Variants in MICAL1 observed in about 807,000 individuals in gnomAD.
MICAL1 encodes microtubule associated monooxygenase, calponin and LIM domain containing 1, also known as [F-actin]-monooxygenase MICAL1.
Under a neutral mutation model 131.8 loss-of-function variants are expected in MICAL1, and 95 were observed. The ratio of observed to expected loss-of-function variants is 0.72; its 90% CI spans 0.61 to 0.86. MICAL1 has a LOEUF of 0.86. MICAL1 is among the 40% of genes least tolerant of loss of function. The probability of loss-of-function intolerance (pLI) is 0.00; values close to 1 mark genes in which losing one functional copy is unlikely to be tolerated. For missense variants in MICAL1, 1,292 were observed against 1,380.6 expected (o/e 0.94, Z 1.02); for synonymous variants, 546 against 554.2 (o/e 0.99, Z 0.21).
chr6:109,451,792 G>C, intron 6 of MICAL1, 92 bp from the exon 7 acceptor site: 1 of 1,552,500 alleles, frequency 6.4e-7, no homozygotes, highest in South Asian at 1.2e-5. Flanking sequence ...TCTGAGCTGG[G>C]ATCCCAGCTT....
intron 1 of MICAL1, chr6:109,464,115 C>T (rs949770082): frequency 3.9e-5 from 6 of 152,024 alleles, no homozygotes; most frequent in African/African-American, 1.4e-4. Context: ...ACAGTTTAAA[C>T]GAGAACCTGA....
chr6:109,449,532 A>G (rs1375592199), intron 10 of MICAL1, 51 bp from the exon 11 acceptor site: 1 of 1,609,620 alleles, frequency 6.2e-7, no homozygotes, highest in Non-Finnish European at 8.5e-7. Context: ...ACAGCCCCTG[A>G]GTCCAGGGGT....
chr6:109,448,914 C>T, intron 11 of MICAL1, 35 bp from the exon 12 acceptor site: 1 of 1,609,466 alleles, frequency 6.2e-7, no homozygotes, highest in East Asian at 2.2e-5. Flanking sequence ...CCAAGGCCCC[C>T]TCTGCCCATC....
intron 1 of MICAL1, chr6:109,463,633 T>TCTAA (rs1775960281): frequency 6.6e-6 from 1 of 152,248 alleles, no homozygotes; most frequent in South Asian, 2.1e-4. Flanking sequence ...CTGTAAGTTG[T>TCTAA]ATGAAATCTA....
At chr6:109,448,986 G>A (rs1775382325) in intron 11 of MICAL1, 107 bp from the exon 12 acceptor site, 4 of 1,448,834 alleles carry the variant, frequency 2.8e-6, no homozygotes, top group Non-Finnish European at 3.7e-6. Context: ...AGGAGTCAGG[G>A]ACCCACCTCT....
At chr6:109,454,771 G>C (rs1469133198) in intron 1 of MICAL1, 1 of 153,628 alleles carries the variant, frequency 6.5e-6, no homozygotes, top group Non-Finnish European at 1.4e-5. Context: ...TCATGGCAAG[G>C]GCAAAGTTTT....
chr6:109,445,501 C>A lies in MICAL1; in HGVS notation c.2702G>T (p.Gly901Val). ...CCATGTTGGGTAGTTATTCATGGTG[C>A]CTGAGGTCTTGGCAAAGGTCTGCAG... ...QALQTFAKTS[G>V]TMNNYPTWRR... The change falls in exon 21 of 25, where the codon GGC becomes GTC. Residue 901 changes from glycine (G) to valine (V), a missense_variant. By Grantham distance (109) the Gly-to-Val change is moderately radical (BLOSUM62 -3). Coordinates refer to ENST00000358807, the MANE Select transcript of MICAL1 (RefSeq NM_022765.4). 1.2e-6 allele frequency: 2 copies of A among 1,614,106 alleles called. No individual in the cohort carries two copies. Among genetic ancestry groups the A allele is most frequent in the African/African-American group, 1.3e-5 (1 of 75,056 alleles).
chr6:109,459,849 T>C (rs1336686718), upstream of MICAL1, among the ~76,000 whole-genome samples: 1 of 152,246 alleles, frequency 6.6e-6, no homozygotes, highest in African/African-American at 2.4e-5. Context: ...TTTTAAAATG[T>C]AGTTTTGTTT....
At chr6:109,445,060 G>A (rs1775147102) in intron 22 of MICAL1, 65 bp from the exon 23 acceptor site, 2 of 1,587,596 alleles carry the variant, frequency 1.3e-6, no homozygotes, top group Admixed American at 3.3e-5. Flanking sequence ...GGAGTTACAG[G>A]CTTAGGGGAG....
upstream of MICAL1, chr6:109,456,132 C>CAAGGAG: frequency 1.7e-6 from 1 of 602,310 alleles, no homozygotes; most frequent in Non-Finnish European, 2.1e-6. Context: ...GCACCCTCGG[C>CAAGGAG]CTGGGCTCCT....
Position 109,454,144 on chromosome 6 carries a change from A to G in MICAL1, c.53T>C (p.Leu18Pro). Residue 18 changes from leucine to proline, a missense_variant, in exon 2 of 25, where the codon CTG becomes CCG. Transcript: ENST00000358807. The part of the protein sequence containing the change: ...NPAHAHFESF[L>P]QAQLCQDVLS... ...CACGTCCTGGCACAGCTGGGCCTGC[A>G]GGAAGCTCTCAAAGTGGGCATGCGC... 6.2e-7 allele frequency: 1 copy of G among 1,612,798 alleles called. No homozygotes were observed. The highest frequency in any genetic ancestry group is 8.5e-7 in the Non-Finnish European group (1 of 1,179,650).
Position 109,449,406 on chromosome 6 carries a change from C to T in MICAL1, c.1510G>A (p.Ala504Thr). 1 of 1,614,218 alleles carries T rather than the reference C, an allele frequency of 6.2e-7. No homozygotes were observed. The highest frequency in any genetic ancestry group is 8.5e-7 in the Non-Finnish European group (1 of 1,180,036). ...GGGAGGAAGGCCTGCTCACCGGTGG[C>T]TGGCATCCCTGTATCTGTCTTGTCG... ...NNDKTDTGMP[A>T]TGSAGTQEEL... is the part of the protein sequence containing the mutation. Residue 504 changes from alanine to threonine, a missense_variant, in exon 11 of 25, where the codon GCC becomes ACC. Coordinates refer to ENST00000358807, the MANE Select transcript of MICAL1 (RefSeq NM_022765.4).
chr6:109,445,549 G>C lies in MICAL1; in HGVS notation c.2674-20C>G, dbSNP rs773361283. 7 of 1,611,288 alleles carry C rather than the reference G, an allele frequency of 4.3e-6. No homozygotes were observed. Reference sequence around the variant, plus strand: ...CAGGGCCTATAGGAGGGTCAGGCCAGTCAGGGATAGGGCCTGGGCCCCCTG... The same window carrying C: ...CAGGGCCTATAGGAGGGTCAGGCCACTCAGGGATAGGGCCTGGGCCCCCTG... On this transcript the variant is annotated intron_variant, in intron 20 of 24. Transcript: ENST00000358807.
chr6:109,448,437 AG>A, intron 12 of MICAL1, 44 bp from the exon 13 acceptor site: 1 of 1,602,148 alleles, frequency 6.2e-7, no homozygotes, highest in Non-Finnish European at 8.5e-7. Context: ...ACAAGAACCT[AG>A]CCCCACTGAG....
At chr6:109,460,612 A>G (rs1372934150), upstream of MICAL1, among the ~76,000 whole-genome samples, 1 of 152,030 alleles carries the variant, frequency 6.6e-6, no homozygotes, top group East Asian at 1.9e-4. Flanking sequence ...AGCAGGATAA[A>G]CTATCACAAC....
chr6:109,458,382 G>A (rs562634256), upstream of MICAL1, among the ~76,000 whole-genome samples: 33 of 152,246 alleles, frequency 2.2e-4, no homozygotes, highest in African/African-American at 7.5e-4. Flanking sequence ...GATCACCTGA[G>A]GTCGGGAGTT....
chr6:109,445,553 G>C, intron 20 of MICAL1, 24 bp from the exon 21 acceptor site: 1 of 1,610,796 alleles, frequency 6.2e-7, no homozygotes, highest in Non-Finnish European at 8.5e-7. Flanking sequence ...AGGCCAGTCA[G>C]GGATAGGGCC....
chr6:109,452,074 G>T, intron 6 of MICAL1, 172 bp downstream of exon 6: 1 of 1,426,028 alleles, frequency 7.0e-7, no homozygotes, highest in Non-Finnish European at 9.1e-7. Flanking sequence ...GATCAACTAG[G>T]GCTGTGCTTG....
In MICAL1 at chr6:109,453,323, G is replaced by A. The variant is rs748238589; in HGVS notation, c.511C>T (p.Leu171=). The change falls in exon 4 of 25, where the codon CTG becomes TTG. Residue 171 remains leucine (L), a synonymous_variant. Coordinates refer to ENST00000358807, the MANE Select transcript of MICAL1 (RefSeq NM_022765.4). ...ACACCCCAGTGAATTTCCACCCCCA[G>A]CAGCAATGCTACCTTCAGCAGAAGC... The part of the protein sequence containing the change: ...QLLLLKVALL[L]GVEIHWGVTF... 4.3e-6 allele frequency: 7 copies of A among 1,614,112 alleles called. No individual in the cohort carries two copies. In the South Asian group the frequency reaches 7.7e-5, roughly 18 times the overall value.
Sources: allele counts gnomAD v4.1 joint callset (sites outside exome capture counted in the v4.1 genomes callset), GRCh38; gene constraint gnomAD v4.1.1; transcripts MANE v1.5; gene names NCBI Gene and HGNC (gene_info 2026-07-23, HGNC 2026-07-21).